The following CNTNAP3B variants were observed in gnomAD, a reference collection of about 807,000 sequenced individuals.
CNTNAP3B encodes contactin-associated protein-like 3B.
A neutral mutation model predicts 108.9 loss-of-function variants in CNTNAP3B; 25 were observed. That is an observed-to-expected ratio of 0.23 (90% confidence interval 0.17 to 0.32). The LOEUF is 0.32. CNTNAP3B is among the 10% of genes least tolerant of loss of function. The probability of loss-of-function intolerance (pLI) is 1.00; values close to 1 mark genes in which losing one functional copy is unlikely to be tolerated. For synonymous variants in CNTNAP3B, 103 were observed against 473.4 expected (o/e 0.22, Z 10.16); for missense variants, 252 against 1,210.4 (o/e 0.21, Z 11.75).
chr9:41,971,039 C>A (rs1825419462), intron 9 of CNTNAP3B, among the ~76,000 whole-genome samples: 1 of 150,120 alleles, frequency 6.7e-6, no homozygotes, highest in Admixed American at 6.6e-5. Flanking sequence ...TTAAAAATTT[C>A]ACTACAATCG....
chr9:42,033,395 A>C, intron 3 of CNTNAP3B, among the ~76,000 whole-genome samples: 1 of 145,788 alleles, frequency 6.9e-6, no homozygotes, highest in Non-Finnish European at 1.5e-5. Flanking sequence ...AGTGGTACCT[A>C]CGTATTTTAC....
In CNTNAP3B at chr9:42,095,457, TC is replaced by T. The variant is rs1827881004; in HGVS notation, c.196+9171del. On this transcript the variant is annotated intron_variant, in intron 2 of 23. Coordinates refer to ENST00000377561, the MANE Select transcript of CNTNAP3B (RefSeq NM_001201380.3). ...TGGTGCAAGCATTCTGCATCATGTT[TC>T]AGACTTTCAAAGAAAATTTTAAGTC... Among the ~76,000 whole-genome samples the T allele has an allele frequency of 1.4e-5, 2 of 139,352 alleles. 1 individual carries two copies. The highest frequency in any genetic ancestry group is 3.1e-5 in the Non-Finnish European group (2 of 65,106). The allele number at this position is 139,352 out of a possible 152,430, so 91.4% of individuals were successfully genotyped here.
intron 18 of CNTNAP3B, among the ~76,000 whole-genome samples, chr9:41,916,868 T>A (rs1289862559): frequency 2.0e-5 from 3 of 149,998 alleles, no homozygotes; most frequent in Non-Finnish European, 4.4e-5. Context: ...GAATATGTTA[T>A]CTCACTGTCC....
intron 13 of CNTNAP3B, among the ~76,000 whole-genome samples, chr9:41,943,345 A>ATTTTTT (rs1165684239): frequency 2.3e-5 from 3 of 132,522 alleles, no homozygotes; most frequent in Non-Finnish European, 3.2e-5. Flanking sequence ...TTGGACAATA[A>ATTTTTT]TTTTTTTTTT....
chr9:42,117,958 C>G (rs946051422), intron 1 of CNTNAP3B, among the ~76,000 whole-genome samples: 1 of 137,404 alleles, frequency 7.3e-6, no homozygotes, highest in African/African-American at 2.9e-5. Context: ...CACATACATC[C>G]TCCCAAGACT....
At chr9:41,926,261 C>G (rs1237997945) in intron 15 of CNTNAP3B, among the ~76,000 whole-genome samples, 2 of 152,076 alleles carry the variant, frequency 1.3e-5, no homozygotes, top group African/African-American at 4.8e-5. Flanking sequence ...TGGAACCTAG[C>G]TTCTAACCCA....
intron 14 of CNTNAP3B, among the ~76,000 whole-genome samples, chr9:41,936,188 A>T (rs1365009841): frequency 8.5e-5 from 13 of 152,298 alleles, no homozygotes; most frequent in Non-Finnish European, 1.9e-4. Flanking sequence ...GAGGCAGGAG[A>T]ATCGCTTGAA....
At chr9:41,942,403 G>A (rs1369779271) in intron 13 of CNTNAP3B, among the ~76,000 whole-genome samples, 2 of 152,156 alleles carry the variant, frequency 1.3e-5, no homozygotes, top group African/African-American at 2.4e-5. Flanking sequence ...GAGGTCAGGA[G>A]ATCCAGACCA....
intron 3 of CNTNAP3B, among the ~76,000 whole-genome samples, chr9:42,026,800 A>G (rs1296423123): frequency 7.3e-6 from 1 of 136,968 alleles, no homozygotes; most frequent in Non-Finnish European, 1.5e-5. Flanking sequence ...TTGCTCAATA[A>G]TAACTCCAAA....
rs1208594994 is a variant in CNTNAP3B at position 41,953,263 on chromosome 9, C to A, written c.2000G>T (p.Arg667Leu). The A allele has an allele frequency of 2.6e-6, 4 of 1,525,600 alleles. No homozygotes were observed. Among genetic ancestry groups the A allele is most frequent in the Non-Finnish European group, 3.5e-6 (4 of 1,144,724 alleles). The allele number at this position is 1,525,600 out of a possible 1,614,324, so 94.5% of individuals were successfully genotyped here. A position where few individuals can be genotyped will look rare whatever the true frequency, so the allele number is the denominator to read the frequency against. Residue 667 changes from arginine (R) to leucine (L), a missense_variant, in exon 13 of 24, where the codon CGG becomes CTG. Physicochemically the swap from Arg to Leu is moderately radical, Grantham distance 102. Coordinates refer to ENST00000377561, the MANE Select transcript of CNTNAP3B (RefSeq NM_001201380.3). Reference protein sequence around the residue: ...FAYAAGAGQLRAAVNLAERCE... With the variant: ...FAYAAGAGQLLAAVNLAERCE... ...GCGCTCCGCCAGGTTCACCGCGGCCCGCAGCTGCCCCGCGCCCGCTGCGTA... is the reference window on the plus strand; with the variant it reads ...GCGCTCCGCCAGGTTCACCGCGGCCAGCAGCTGCCCCGCGCCCGCTGCGTA...
At chr9:42,108,113 T>C (rs1447406688) in intron 1 of CNTNAP3B, among the ~76,000 whole-genome samples, 2 of 139,430 alleles carry the variant, frequency 1.4e-5, no homozygotes, top group African/African-American at 2.8e-5. Context: ...GAAAGAATTG[T>C]ACACTACTGA....
intron 13 of CNTNAP3B, among the ~76,000 whole-genome samples, chr9:41,952,164 C>T (rs1016044253): frequency 2.6e-5 from 4 of 152,252 alleles, no homozygotes; most frequent in Admixed American, 6.5e-5. Context: ...TGGATCAGCG[C>T]AAACCACCTT....
chr9:41,941,494 A>G (rs1824341566), intron 13 of CNTNAP3B, among the ~76,000 whole-genome samples: 1 of 151,196 alleles, frequency 6.6e-6, no homozygotes, highest in Non-Finnish European at 1.5e-5. Flanking sequence ...ATAAATGCAT[A>G]TGCAAGAAAC....
At chr9:42,076,823 A>G (rs748615104) in intron 3 of CNTNAP3B, 46 bp downstream of exon 3, 3 of 1,510,730 alleles carry the variant, frequency 2.0e-6, no homozygotes, top group South Asian at 2.4e-5. Context: ...TGTTTTTCTA[A>G]TAGGTTTGCA....
chr9:41,944,159 A>G (rs1325310153), intron 13 of CNTNAP3B, among the ~76,000 whole-genome samples: 2 of 149,268 alleles, frequency 1.3e-5, no homozygotes, highest in African/African-American at 5.0e-5. Flanking sequence ...ATCTTTCTCC[A>G]GTAGACCTAC....
chr9:42,076,320 G>A (rs28523511), intron 3 of CNTNAP3B, among the ~76,000 whole-genome samples: 10,343 of 127,210 alleles, frequency 0.081, 1,449 homozygotes, highest in Non-Finnish European at 0.12. Context: ...CAGCTACTAA[G>A]GAGGCTGATG....
Position 41,953,216 on chromosome 9 carries a change from GCAGAGCCAGCC to G in CNTNAP3B, c.2036_2046del (p.Arg679ProfsTer25), listed in dbSNP as rs762732771. 1.3e-6 allele frequency: 2 copies of G among 1,531,348 alleles called. No homozygotes were observed. Among genetic ancestry groups the G allele is most frequent in the South Asian group, 2.4e-5 (2 of 83,964 alleles). The allele number at this position is 1,531,348 out of a possible 1,614,324, so 94.9% of individuals were successfully genotyped here. A position where few individuals can be genotyped will look rare whatever the true frequency, so the allele number is the denominator to read the frequency against. ...TCCGGGCGCCGCGCTGTCCCGCAGC[GCAGAGCCAGCC>G]GCTGCTCGCAGCGCTCCGCCAGGTT... On this transcript the variant is annotated frameshift_variant, in exon 13 of 24. Transcript: ENST00000377561. LOFTEE classifies it high-confidence loss of function.
intron 11 of CNTNAP3B, among the ~76,000 whole-genome samples, chr9:41,961,532 A>T (rs1390198432): frequency 6.6e-6 from 1 of 152,304 alleles, no homozygotes. Flanking sequence ...AGGCCTAAAT[A>T]ATCTGGTATT....
At chr9:42,097,390 A>G (rs1827924568) in intron 2 of CNTNAP3B, among the ~76,000 whole-genome samples, 1 of 139,722 alleles carries the variant, frequency 7.2e-6, no homozygotes, top group Non-Finnish European at 1.5e-5. Context: ...AGGTTAATAA[A>G]GATGCTTTTT....
Sources: allele counts gnomAD v4.1 joint callset (sites outside exome capture counted in the v4.1 genomes callset), GRCh38; gene constraint gnomAD v4.1.1; transcripts MANE v1.5; gene names NCBI Gene and HGNC (gene_info 2026-07-23, HGNC 2026-07-21).